Variants in FAM234B observed in about 807,000 individuals in gnomAD.
The protein encoded by FAM234B is protein FAM234B.
Under a neutral mutation model 69.3 loss-of-function variants are expected in FAM234B, and 33 were observed. The observed-to-expected ratio is 0.48, with a 90% CI of 0.36 to 0.64. The LOEUF (loss-of-function observed/expected upper bound fraction) is 0.64. Among genes scored for constraint, FAM234B ranks in the 30% least tolerant of loss-of-function variants. The pLI, the probability that FAM234B is intolerant of heterozygous loss-of-function variation, is 0.00. For missense variants in FAM234B, 697 were observed against 769.7 expected, an observed-to-expected ratio of 0.91 and a Z score of 1.12; for synonymous variants, 306 against 306.9, an observed-to-expected ratio of 1.00 and a Z score of 0.03.
chr12:13,063,109 C>T, intron 5 of FAM234B, 134 bp downstream of exon 5: 1 of 1,078,706 alleles, frequency 9.3e-7, no homozygotes, highest in East Asian at 2.5e-5. Flanking sequence ...AGTAAATTCT[C>T]TTTGTGAGGT....
Position 13,076,022 on chromosome 12 carries a change from TCAGGATATCATCC to T in FAM234B, c.1525-3_1534del, listed in dbSNP as rs1412814382. The T allele has an allele frequency of 6.2e-7, 1 of 1,606,732 alleles. No individual in the cohort carries two copies. The highest frequency in any genetic ancestry group is 8.5e-7 in the Non-Finnish European group (1 of 1,173,424). ...TGCTCTTCCTTTTTGCTGCTTATTATCAGGATATCATCCTAGGAACTGAGCCGCCCAGCCTTCA... is the reference window on the plus strand; with the variant it reads ...TGCTCTTCCTTTTTGCTGCTTATTATTAGGAACTGAGCCGCCCAGCCTTCA... On this transcript the variant is annotated splice_acceptor_variant and splice_polypyrimidine_tract_variant and coding_sequence_variant and intron_variant, in exon 11 of 13. Transcript: ENST00000197268. LOFTEE classifies it high-confidence loss of function.
intron 4 of FAM234B, chr12:13,062,197 A>C (rs149209491): frequency 6.2e-6 from 1 of 162,046 alleles, no homozygotes; most frequent in East Asian, 1.8e-4. Flanking sequence ...TTCTTACTGC[A>C]TTCAGACATA....
rs1161367281 is a variant in FAM234B, at chr12:13,044,670, G to A, written c.37+230G>A. Among the ~76,000 whole-genome samples the A allele has an allele frequency of 6.6e-6, 1 of 152,202 alleles. No homozygotes were observed. On this transcript the variant is annotated intron_variant, in intron 1 of 12. Transcript: ENST00000197268. The surrounding 1 kb of genome is among the most constrained non-coding windows in gnomAD (Gnocchi z 5.6). ...TCGGGCGCGGGGCGAACCCGGAGAC[G>A]CGCGGGGAGAGGGCGCCGAGCAGGT...
chr12:13,051,239 A>G (rs1171699610), intron 1 of FAM234B, among the ~76,000 whole-genome samples: 1 of 152,204 alleles, frequency 6.6e-6, no homozygotes, highest in Non-Finnish European at 1.5e-5. Context: ...CCTGTAGCAT[A>G]TGCTTCTCTT....
intron 11 of FAM234B, 78 bp from the exon 12 acceptor site, chr12:13,079,711 A>G (rs1565513429): frequency 1.2e-6 from 1 of 851,498 alleles, no homozygotes; most frequent in South Asian, 1.6e-5. Context: ...AAATAAATGT[A>G]TTGTTGAACC....
chr12:13,079,983 A>G lies in FAM234B; in HGVS notation c.1837A>G (p.Ile613Val). 1.2e-6 allele frequency: 2 copies of G among 1,608,124 alleles called. No individual in the cohort carries two copies. Among genetic ancestry groups the G allele is most frequent in the Middle Eastern group, 1.7e-4 (1 of 5,994 alleles). The change falls in exon 12 of 13, where the codon ATA (isoleucine) becomes GTA (valine). Residue 613 changes from isoleucine (I) to valine (V), a missense_variant. Ile to Val is a conservative substitution (Grantham distance 29). Transcript: ENST00000197268. ...GGAGCTGCGAAGATTTCTCTCTAGGATAAAGTTTGTTGAAGCTCCCTACGA... is the reference window on the plus strand; with the variant it reads ...GGAGCTGCGAAGATTTCTCTCTAGGGTAAAGTTTGTTGAAGCTCCCTACGA... ...RGELRRFLSRIKFVEAPYEI is the reference protein window; with the variant it reads ...RGELRRFLSRVKFVEAPYEI
At chr12:13,062,102 T>C (rs1412897616) in intron 4 of FAM234B, 1 of 184,510 alleles carries the variant, frequency 5.4e-6, no homozygotes, top group African/African-American at 2.3e-5. Flanking sequence ...ATGGGGGCCA[T>C]GTGTAAATTT....
At position 13,081,367 on chromosome 12, in the gene FAM234B, C is replaced by T. The variant is rs1865224133; in HGVS notation, c.*737C>T. ...AGCAAGAGGATGTAGTCTCAGTGAC[C>T]CATCTCTGACCAAGTCCACATGTTG... On this transcript the variant is annotated 3_prime_UTR_variant, in exon 13 of 13. Coordinates refer to ENST00000197268, the MANE Select transcript of FAM234B (RefSeq NM_020853.2). The T allele has an allele frequency of 6.6e-6, 1 of 152,150 alleles. No homozygotes were observed. Among genetic ancestry groups the T allele is most frequent in the African/African-American group, 2.4e-5 (1 of 41,426 alleles). 9.4% of individuals were successfully genotyped at this position (152,150 alleles called of 1,614,324 possible).
chr12:13,068,754 A>G (rs374312360), intron 9 of FAM234B, 43 bp downstream of exon 9: 10 of 1,343,430 alleles, frequency 7.4e-6, no homozygotes, highest in Non-Finnish European at 1.1e-5. Context: ...TATGTAAAGT[A>G]TATACTTTGT....
chr12:13,056,049 G>A (rs1864927914), intron 2 of FAM234B, 103 bp downstream of exon 2: 1 of 1,236,410 alleles, frequency 8.1e-7, no homozygotes, highest in Admixed American at 3.1e-5. Flanking sequence ...GTGTCATGCG[G>A]CATTCCCCAC....
intron 1 of FAM234B, among the ~76,000 whole-genome samples, chr12:13,052,837 G>T (rs538833014): frequency 3.0e-4 from 46 of 152,226 alleles, no homozygotes; most frequent in African/African-American, 1.1e-3. Context: ...ATCATGTCAG[G>T]TGTATTTTAG....
In FAM234B at chr12:13,055,538, T is replaced by A; in HGVS notation, c.38-13T>A. ...CCAGTTCCCCTTGACTCTCTGTTTT[T>A]CTGTATTTTCAGGGAAGAAGAGCCC... On this transcript the variant is annotated splice_polypyrimidine_tract_variant and intron_variant, in intron 1 of 12. Coordinates refer to ENST00000197268, the MANE Select transcript of FAM234B (RefSeq NM_020853.2). 3.2e-6 allele frequency: 5 copies of A among 1,571,842 alleles called. No individual in the cohort carries two copies. Among genetic ancestry groups the A allele is most frequent in the Non-Finnish European group, 4.3e-6 (5 of 1,152,448 alleles).
At chr12:13,054,782 TTC>T (rs887011790) in intron 1 of FAM234B, among the ~76,000 whole-genome samples, 1 of 152,126 alleles carries the variant, frequency 6.6e-6, no homozygotes, top group Non-Finnish European at 1.5e-5. Flanking sequence ...CTTCTGTAAT[TTC>T]TCTCTCAGCT....
rs1864789133 is a variant in FAM234B, at chr12:13,044,866, A to G, written c.37+426A>G. Among the ~76,000 whole-genome samples, 1 of 152,192 alleles carries G rather than the reference A, an allele frequency of 6.6e-6. No individual in the cohort carries two copies. Among genetic ancestry groups the G allele is most frequent in the African/African-American group, 2.4e-5 (1 of 41,454 alleles). ...GACGGCGAGTGGCCCTCTGTGGATC[A>G]TCCCCTCCACCTAACGGCAGCAACG... is the stretch of plus-strand genomic sequence containing the variant. On this transcript the variant is annotated intron_variant, in intron 1 of 12. Coordinates refer to ENST00000197268, the MANE Select transcript of FAM234B (RefSeq NM_020853.2). This position sits in a 1 kb window ranked among gnomAD's most constrained non-coding sequence, Gnocchi z 5.6.
At chr12:13,062,566 C>G in intron 4 of FAM234B, 1 of 277,650 alleles carries the variant, frequency 3.6e-6, no homozygotes, top group South Asian at 5.8e-5. Flanking sequence ...GGCAAGTGAG[C>G]CCTTCTTTGT....
intron 1 of FAM234B, among the ~76,000 whole-genome samples, chr12:13,051,448 A>G (rs1417390303): frequency 6.6e-6 from 1 of 152,208 alleles, no homozygotes; most frequent in Non-Finnish European, 1.5e-5. Flanking sequence ...TAAAAATCCA[A>G]TTGCACAATT....
In FAM234B at chr12:13,061,592, G is replaced by A. The variant is rs906889909; in HGVS notation, c.550G>A (p.Ala184Thr). ...GSAVGVSRPA[A>T]NLVCLSGMNG... ...GCTTTTAGGTGTCTCAAGACCAGCT[G>A]CTAATCTTGTATGCCTTTCGGGGAT... Residue 184 changes from alanine to threonine, a missense_variant, in exon 4 of 13, where the codon GCT becomes ACT. Transcript: ENST00000197268. 2 of 1,613,088 alleles carry A rather than the reference G, an allele frequency of 1.2e-6. No homozygotes were observed. The highest frequency in any genetic ancestry group is 2.7e-5 in the African/African-American group (2 of 74,816).
rs1865047859 is a variant in FAM234B at position 13,067,100 on chromosome 12, A to G, written c.1001-55A>G. The G allele has an allele frequency of 6.2e-7, 1 of 1,604,870 alleles. No individual in the cohort carries two copies. The highest frequency in any genetic ancestry group is 8.5e-7 in the Non-Finnish European group (1 of 1,173,042). ...TGTGTCTCTTGCTCAGATCCTCACC[A>G]TGGGACAGTTCTGTTAAATTCAACT... On this transcript the variant is annotated intron_variant, in intron 6 of 12. Transcript: ENST00000197268. This position sits in a 1 kb window ranked among gnomAD's most constrained non-coding sequence, Gnocchi z 4.7.
At chr12:13,061,947 G>A (rs1207576378) in intron 4 of FAM234B, among the ~76,000 whole-genome samples, 184 bp downstream of exon 4, 2 of 152,072 alleles carry the variant, frequency 1.3e-5, no homozygotes, top group Non-Finnish European at 2.9e-5. Context: ...CAGATCCATG[G>A]TTCAACCTGT....
Sources: allele counts gnomAD v4.1 joint callset (sites outside exome capture counted in the v4.1 genomes callset), GRCh38; gene constraint gnomAD v4.1.1; non-coding constraint Gnocchi (gnomAD v3.1); transcripts MANE v1.5; gene names NCBI Gene and HGNC (gene_info 2026-07-23, HGNC 2026-07-21).